Variants in PRKG1 observed in about 807,000 individuals in gnomAD.
The protein encoded by PRKG1 is cGMP-dependent protein kinase 1.
In PRKG1, 35 loss-of-function variants were observed where a neutral mutation model predicts 88.1. That is an observed-to-expected ratio of 0.40 (90% CI 0.30 to 0.53). The LOEUF is 0.53. Ranked by LOEUF, PRKG1 falls within the 20% of genes least tolerant of loss-of-function variation. The pLI is 0.59. For missense variants in PRKG1, 540 were observed against 839.8 expected (o/e 0.64, Z 4.41); for synonymous variants, 303 against 292.5 (o/e 1.04, Z -0.37).
intron 2 of PRKG1, among the ~76,000 whole-genome samples, chr10:51,307,623 G>A (rs1214217734): frequency 1.3e-5 from 2 of 152,104 alleles, no homozygotes; most frequent in Non-Finnish European, 2.9e-5. Flanking sequence ...AATATGTAAA[G>A]TAGAGGCTGT....
intron 4 of PRKG1, among the ~76,000 whole-genome samples, chr10:51,872,016 G>A (rs1006293674): frequency 1.3e-5 from 2 of 152,136 alleles, no homozygotes; most frequent in African/African-American, 2.4e-5. Flanking sequence ...TAAACAAAGA[G>A]CCCTGCATTT....
At chr10:51,790,512 A>G (rs553434428) in intron 3 of PRKG1, among the ~76,000 whole-genome samples, 268 of 152,294 alleles carry the variant, frequency 1.8e-3, no homozygotes, top group Non-Finnish European at 3.0e-3. Flanking sequence ...GCCCAAAGCC[A>G]CATACTCCTG....
chr10:51,865,026 G>A (rs1313896685), intron 4 of PRKG1, among the ~76,000 whole-genome samples: 2 of 152,186 alleles, frequency 1.3e-5, no homozygotes, highest in East Asian at 3.9e-4. Context: ...GTTAAAGGCA[G>A]AACATTTATA....
chr10:51,171,363 C>A (rs1413197487), intron 2 of PRKG1, among the ~76,000 whole-genome samples: 4 of 152,106 alleles, frequency 2.6e-5, no homozygotes, highest in African/African-American at 9.7e-5. Context: ...ATTTAGGTTT[C>A]TTTCTCTACT....
In PRKG1 at chr10:52,117,659, T is replaced by G. The variant is rs145108648; in HGVS notation, c.936-16181T>G. Among the ~76,000 whole-genome samples, 729 of 152,258 alleles carry G rather than the reference T, an allele frequency of 4.8e-3. 5 individuals are homozygous for G. The highest frequency in any genetic ancestry group is 0.016 in the African/African-American group (684 of 41,552). ...ATTAAAAAATAGAATATTTATTTTA[T>G]ACATGTAATTCGAATATATAATATA... is the stretch of plus-strand genomic sequence containing the variant. On this transcript the variant is annotated intron_variant, in intron 7 of 17. Transcript: ENST00000373980.
chr10:51,995,133 C>A (rs1844406452), intron 5 of PRKG1, among the ~76,000 whole-genome samples: 1 of 152,058 alleles, frequency 6.6e-6, no homozygotes, highest in Non-Finnish European at 1.5e-5. Flanking sequence ...AAAGCCAATT[C>A]TTTTGGCACC....
chr10:51,743,600 C>T (rs1837491512), intron 3 of PRKG1, among the ~76,000 whole-genome samples: 1 of 144,622 alleles, frequency 6.9e-6, no homozygotes, highest in Non-Finnish European at 1.5e-5. Flanking sequence ...TCCTCTTTCT[C>T]TACCTTTATT....
intron 2 of PRKG1, among the ~76,000 whole-genome samples, chr10:51,450,979 G>T (rs1017856622): frequency 2.0e-5 from 3 of 151,874 alleles, no homozygotes; most frequent in African/African-American, 4.8e-5. Context: ...CTAACTAGGG[G>T]TTATTAATCT....
At chr10:51,950,797 G>A (rs1350782384) in intron 5 of PRKG1, among the ~76,000 whole-genome samples, 1 of 152,270 alleles carries the variant, frequency 6.6e-6, no homozygotes, top group Non-Finnish European at 1.5e-5. Context: ...GTCTTTCTGG[G>A]TACCTGCGCT....
intron 3 of PRKG1, among the ~76,000 whole-genome samples, chr10:51,477,101 T>A (rs1016936889): frequency 6.6e-6 from 1 of 151,814 alleles, no homozygotes; most frequent in Non-Finnish European, 1.5e-5. Flanking sequence ...AACTACATCA[T>A]CTCAAATGTT....
intron 3 of PRKG1, among the ~76,000 whole-genome samples, chr10:51,663,058 A>C (rs925286512): frequency 6.6e-6 from 1 of 152,122 alleles, no homozygotes; most frequent in African/African-American, 2.4e-5. Flanking sequence ...GTTTTAAATA[A>C]TGAATTTTAG....
chr10:52,130,910 G>T lies in PRKG1; in HGVS notation c.936-2930G>T, dbSNP rs1162300833. Among the ~76,000 whole-genome samples, 6 of 152,146 alleles carry T rather than the reference G, an allele frequency of 3.9e-5. No individual in the cohort carries two copies. The East Asian group carries it at 1.2e-3, about 29-fold the overall frequency. On this transcript the variant is annotated intron_variant, in intron 7 of 17. Coordinates refer to ENST00000373980, the MANE Select transcript of PRKG1 (RefSeq NM_006258.4). ...CAGAGACAACCATGAAGGTGTTGGG[G>T]ATGAAAAGAATTAGAAATAATAAAC...
chr10:51,130,547 T>C (rs1480090851), intron 1 of PRKG1, among the ~76,000 whole-genome samples: 2 of 152,168 alleles, frequency 1.3e-5, no homozygotes, highest in Non-Finnish European at 2.9e-5. Flanking sequence ...TTTAACATAT[T>C]TCAGAAAAAT....
chr10:51,673,423 G>A (rs1361728857), intron 3 of PRKG1, among the ~76,000 whole-genome samples: 1 of 152,154 alleles, frequency 6.6e-6, no homozygotes, highest in Non-Finnish European at 1.5e-5. Context: ...CACTGAGATG[G>A]GAGCTGTTTG....
chr10:51,276,382 G>T (rs1167317431), intron 2 of PRKG1, among the ~76,000 whole-genome samples: 1 of 152,152 alleles, frequency 6.6e-6, no homozygotes, highest in Non-Finnish European at 1.5e-5. Context: ...CATTTGGGTT[G>T]GTTCCAAGTC....
At chr10:52,084,879 CT>C (rs952522396) in intron 7 of PRKG1, among the ~76,000 whole-genome samples, 39 of 152,046 alleles carry the variant, frequency 2.6e-4, no homozygotes, top group African/African-American at 8.4e-4. Flanking sequence ...CTTAGGTATC[CT>C]TTAATCTGAA....
In PRKG1 at chr10:51,030,442, G is replaced by T. The variant is rs140683902; in HGVS notation, c.266+38798G>T. ...CAGATTTTTTTCCAAAGGACTACTT[G>T]TCTGTTAGAATTTGCTTAAATTCTT... On this transcript the variant is annotated intron_variant, in intron 1 of 17. Coordinates refer to the PRKG1 transcript ENST00000401604. 3.0e-3 allele frequency among the ~76,000 whole-genome samples: 459 copies of T among 152,198 alleles called. 3 individuals carry two copies. Among genetic ancestry groups the T allele is most frequent in the African/African-American group, 0.011 (439 of 41,546 alleles).
At chr10:51,317,504 C>T (rs1841352628) in intron 2 of PRKG1, among the ~76,000 whole-genome samples, 1 of 152,166 alleles carries the variant, frequency 6.6e-6, no homozygotes, top group Non-Finnish European at 1.5e-5. Flanking sequence ...GTGTAAATGA[C>T]ATTAAATACA....
At chr10:51,406,761 ATG>A (rs1837931466) in intron 2 of PRKG1, among the ~76,000 whole-genome samples, 2 of 152,034 alleles carry the variant, frequency 1.3e-5, no homozygotes, top group Admixed American at 1.3e-4. Context: ...TGCACTGGAT[ATG>A]TTCAGATGGG....
Sources: allele counts gnomAD v4.1 joint callset (sites outside exome capture counted in the v4.1 genomes callset), GRCh38; gene constraint gnomAD v4.1.1; transcripts MANE v1.5; gene names NCBI Gene and HGNC (gene_info 2026-07-23, HGNC 2026-07-21).